SLC8A1: variants seen among roughly 807,000 people sequenced by gnomAD.
SLC8A1 encodes sodium/calcium exchanger 1.
Under a neutral mutation model 68.3 loss-of-function variants are expected in SLC8A1, and 18 were observed. The ratio of observed to expected loss-of-function variants is 0.26; its 90% confidence interval spans 0.18 to 0.39. The LOEUF is 0.39. SLC8A1 is among the 10% of genes least tolerant of loss of function. SLC8A1 has a pLI of 1.00. For missense variants in SLC8A1, 985 were observed against 1,156.7 expected (o/e 0.85, Z 2.15); for synonymous variants, 475 against 415.5 (o/e 1.14, Z -1.74).
chr2:40,380,549 T>C (rs1296316383), intron 2 of SLC8A1, among the ~76,000 whole-genome samples: 10 of 152,230 alleles, frequency 6.6e-5, no homozygotes, highest in Admixed American at 3.3e-4. Context: ...TGGTTGAGGA[T>C]TGACTGAAAT....
intron 2 of SLC8A1, among the ~76,000 whole-genome samples, chr2:40,367,387 A>G (rs1341568814): frequency 6.6e-6 from 1 of 152,016 alleles, no homozygotes; most frequent in Non-Finnish European, 1.5e-5. Flanking sequence ...CACTTCGCTG[A>G]TCTTTGCTGC....
At chr2:40,279,807 C>A (rs552433396) in intron 2 of SLC8A1, among the ~76,000 whole-genome samples, 63 of 152,226 alleles carry the variant, frequency 4.1e-4, no homozygotes, top group Non-Finnish European at 7.4e-4. Flanking sequence ...CTCTCACGTG[C>A]CCCCAACATG....
chr2:40,369,967 A>G (rs1433227887), intron 2 of SLC8A1, among the ~76,000 whole-genome samples: 1 of 152,152 alleles, frequency 6.6e-6, no homozygotes, highest in Non-Finnish European at 1.5e-5. Context: ...TTCTGTAAAG[A>G]TAAAGATCTA....
chr2:40,216,985 C>T (rs1004203555), intron 2 of SLC8A1, among the ~76,000 whole-genome samples: 4 of 151,974 alleles, frequency 2.6e-5, no homozygotes, highest in Non-Finnish European at 5.9e-5. Context: ...TTTGCTATGC[C>T]GAAGCTTTTT....
At chr2:40,392,134 G>A (rs761172943) in intron 2 of SLC8A1, among the ~76,000 whole-genome samples, 2 of 146,148 alleles carry the variant, frequency 1.4e-5, no homozygotes, top group Admixed American at 6.9e-5. Flanking sequence ...ATGAACCAAC[G>A]GAAGAATGAA....
At chr2:40,238,632 G>A (rs945236504) in intron 2 of SLC8A1, among the ~76,000 whole-genome samples, 6 of 152,086 alleles carry the variant, frequency 3.9e-5, no homozygotes, top group Admixed American at 6.5e-5. Flanking sequence ...CTCCTCGATC[G>A]TCTTCTGTTT....
intron 1 of SLC8A1, among the ~76,000 whole-genome samples, chr2:40,489,131 T>C (rs562739112): frequency 6.6e-6 from 1 of 152,222 alleles, no homozygotes; most frequent in South Asian, 2.1e-4. Flanking sequence ...GCTGTCTGAG[T>C]TTCTGTTTTA....
intron 2 of SLC8A1, among the ~76,000 whole-genome samples, chr2:40,180,178 T>C (rs966649665): frequency 6.6e-6 from 1 of 152,188 alleles, no homozygotes; most frequent in Admixed American, 6.6e-5. Context: ...CAGTTACATG[T>C]ATACTGTAAA....
chr2:40,194,884 AAAGAT>A (rs1026114970), intron 2 of SLC8A1, among the ~76,000 whole-genome samples: 3 of 152,130 alleles, frequency 2.0e-5, no homozygotes, highest in Admixed American at 2.0e-4. Context: ...CAAAGCCACC[AAAGAT>A]GGAAGGTCCA....
chr2:40,455,747 C>T (rs768011527), upstream of SLC8A1, among the ~76,000 whole-genome samples: 6 of 152,152 alleles, frequency 3.9e-5, no homozygotes, highest in Non-Finnish European at 8.8e-5. Flanking sequence ...GCTGTTGTTC[C>T]TCTTCCCTGG....
chr2:40,327,823 G>A (rs2076006652), intron 2 of SLC8A1, among the ~76,000 whole-genome samples: 1 of 151,974 alleles, frequency 6.6e-6, no homozygotes, highest in Non-Finnish European at 1.5e-5. Flanking sequence ...TGGGTGATGG[G>A]ATCAGTCATA....
chr2:40,363,156 T>G (rs565020821), intron 2 of SLC8A1, among the ~76,000 whole-genome samples: 1 of 152,168 alleles, frequency 6.6e-6, no homozygotes, highest in Non-Finnish European at 1.5e-5. Flanking sequence ...AGGTTGGTAT[T>G]AGATGAGTCT....
rs77079991 is a variant in SLC8A1 at position 40,204,654 on chromosome 2, G to C, written c.1809-26799C>G. On this transcript the variant is annotated intron_variant, in intron 2 of 7. Coordinates refer to ENST00000406785, the Ensembl canonical transcript of SLC8A1. ...AGAGAAACTTGACTTACTTTGAATA[G>C]GTCAGACAGGTTAGTCCAACAGAAA... is the stretch of plus-strand genomic sequence containing the variant. 5.4e-3 allele frequency among the ~76,000 whole-genome samples: 825 copies of C among 151,946 alleles called. 5 individuals carry two copies. Among genetic ancestry groups the C allele is most frequent in the Non-Finnish European group, 9.0e-3 (608 of 67,930 alleles).
chr2:40,250,168 G>A (rs1302876086), intron 2 of SLC8A1: 2 of 152,176 alleles, frequency 1.3e-5, no homozygotes, highest in South Asian at 2.1e-4. Context: ...CTGGAAATAA[G>A]TAAATACTAT....
intron 6 of SLC8A1, among the ~76,000 whole-genome samples, chr2:40,142,067 T>C (rs910124720): frequency 3.3e-5 from 5 of 152,196 alleles, no homozygotes; most frequent in Non-Finnish European, 5.9e-5. Flanking sequence ...CCTAGCAAAC[T>C]ACAGCAGCCC....
chr2:40,105,259 CTG>C (rs2034125198), exon 8 of SLC8A1: 1 of 152,236 alleles, frequency 6.6e-6, no homozygotes, highest in East Asian at 1.9e-4. Flanking sequence ...CTGCCCTCCT[CTG>C]TAACCCAGCA....
At chr2:40,313,695 A>C (rs1206241372) in intron 2 of SLC8A1, among the ~76,000 whole-genome samples, 6 of 151,892 alleles carry the variant, frequency 4.0e-5, no homozygotes, top group Non-Finnish European at 8.8e-5. Context: ...GAGTCACAGT[A>C]CCTGGATATG....
At chr2:40,212,284 T>TTTTTTTG (rs1307322682) in intron 2 of SLC8A1, among the ~76,000 whole-genome samples, 1 of 116,466 alleles carries the variant, frequency 8.6e-6, no homozygotes, top group Non-Finnish European at 1.8e-5. Context: ...ATGCAATATC[T>TTTTTTTG]TTTTTTTTTT....
At chr2:40,410,943 T>C (rs1691943751) in intron 2 of SLC8A1, among the ~76,000 whole-genome samples, 1 of 152,010 alleles carries the variant, frequency 6.6e-6, no homozygotes, top group Non-Finnish European at 1.5e-5. Flanking sequence ...CAAAATGGGA[T>C]TTTTTGACCC....
Sources: allele counts gnomAD v4.1 joint callset (sites outside exome capture counted in the v4.1 genomes callset), GRCh38; gene constraint gnomAD v4.1.1; transcripts MANE v1.5; gene names NCBI Gene and HGNC (gene_info 2026-07-23, HGNC 2026-07-21).